The following MYO16 variants were observed in gnomAD, a reference collection of about 807,000 sequenced individuals.
MYO16 encodes myosin XVI, also known as unconventional myosin-XVI.
In MYO16, 94 loss-of-function variants were observed where a neutral mutation model predicts 205.3. That is an observed-to-expected ratio of 0.46 (90% confidence interval 0.39 to 0.54). The LOEUF (loss-of-function observed/expected upper bound fraction) is 0.54. Among genes scored for constraint, MYO16 ranks in the 20% least tolerant of loss-of-function variants. The pLI is 0.00. For synonymous variants in MYO16, 988 were observed against 954.0 expected (o/e 1.04, Z -0.66); for missense variants, 2,315 against 2,387.5 (o/e 0.97, Z 0.63).
At chr13:109,065,576 C>T in intron 27 of MYO16, 1 of 476,878 alleles carries the variant, frequency 2.1e-6, no homozygotes, top group South Asian at 1.6e-5. Flanking sequence ...TGAAAAGTCC[C>T]TACAGGAGAT....
intron 16 of MYO16, among the ~76,000 whole-genome samples, chr13:108,956,735 T>C (rs915731172): frequency 3.3e-5 from 5 of 152,180 alleles, no homozygotes; most frequent in African/African-American, 1.2e-4. Context: ...AATCACAGCC[T>C]GCCTTTCGCC....
At chr13:108,802,443 A>G (rs888063624) in intron 6 of MYO16, among the ~76,000 whole-genome samples, 15 of 152,164 alleles carry the variant, frequency 9.9e-5, no homozygotes, top group Non-Finnish European at 1.3e-4. Flanking sequence ...AAGGGTGACT[A>G]GTATTCCATT....
At chr13:108,873,299 T>C (rs1174961018) in intron 12 of MYO16, among the ~76,000 whole-genome samples, 1 of 152,262 alleles carries the variant, frequency 6.6e-6, no homozygotes. Context: ...CCATTTCATA[T>C]TTAAAAAGAA....
chr13:109,156,855 C>A (rs1326541456), intron 32 of MYO16, among the ~76,000 whole-genome samples: 1 of 152,200 alleles, frequency 6.6e-6, no homozygotes, highest in Non-Finnish European at 1.5e-5. Context: ...TCCTCACACT[C>A]GAGAGTGTCT....
At chr13:108,872,720 A>C (rs7990534) in intron 12 of MYO16, among the ~76,000 whole-genome samples, 50,197 of 151,388 alleles carry the variant, frequency 0.33, 8,757 homozygotes, top group Non-Finnish European at 0.36. Context: ...GCATATGTAT[A>C]TATACACACA....
chr13:108,536,034 T>TGC, the MYO16 span, among the ~76,000 whole-genome samples: 49,119 of 151,700 alleles, frequency 0.32, 9,357 homozygotes, highest in Non-Finnish European at 0.43. Flanking sequence ...CATGTGTGTG[T>TGC]GCATGTGTGT....
intron 16 of MYO16, among the ~76,000 whole-genome samples, chr13:108,920,806 T>C (rs1047567202): frequency 6.6e-6 from 1 of 152,256 alleles, no homozygotes; most frequent in African/African-American, 2.4e-5. Context: ...AAATAAGAGA[T>C]ATTTATTTTC....
At chr13:109,049,312 T>C (rs1887159236) in intron 24 of MYO16, among the ~76,000 whole-genome samples, 1 of 152,144 alleles carries the variant, frequency 6.6e-6, no homozygotes, top group South Asian at 2.1e-4. Flanking sequence ...TGCTCGGTTT[T>C]AAGAGGCAAA....
At chr13:109,172,608 G>A (rs977223607) in intron 33 of MYO16, among the ~76,000 whole-genome samples, 2 of 152,104 alleles carry the variant, frequency 1.3e-5, no homozygotes, top group Non-Finnish European at 2.9e-5. Flanking sequence ...CCCCGACCAT[G>A]GGCAAGTTAC....
chr13:108,690,381 TC>T (rs1882847888), intron 2 of MYO16, among the ~76,000 whole-genome samples: 1 of 42,984 alleles, frequency 2.3e-5, no homozygotes, highest in Non-Finnish European at 4.1e-5. Context: ...ATGGGAAGTC[TC>T]CTTGGTCTTG....
At chr13:108,584,113 C>T in the MYO16 span, among the ~76,000 whole-genome samples, 12 of 152,060 alleles carry the variant, frequency 7.9e-5, no homozygotes, top group African/African-American at 2.7e-4. Flanking sequence ...ACCACCACGC[C>T]CAGCTAATTT....
intron 11 of MYO16, among the ~76,000 whole-genome samples, chr13:108,863,201 C>T (rs66929180): frequency 0.1 from 15,768 of 151,834 alleles, 951 homozygotes; most frequent in South Asian, 0.24. Context: ...TTTTTTCTTG[C>T]ATTACTTCAT....
At chr13:108,706,551 C>T (rs937256894) in intron 2 of MYO16, among the ~76,000 whole-genome samples, 15 of 152,238 alleles carry the variant, frequency 9.9e-5, no homozygotes, top group East Asian at 3.9e-4. Context: ...TTTTGTCCTC[C>T]GTCTTCTCCA....
At position 109,019,848 on chromosome 13, in the gene MYO16, G is replaced by A. The variant is rs1357705452; in HGVS notation, c.2733G>A (p.Gly911=). ...TNAVYSPMKD[G]NGNVALKDHG... is the part of the protein sequence containing the mutation. ...CGGTGTACTCCCCCATGAAGGATGGGAATGGGAATGTTGCCCTCAAAGACC... is the reference window on the plus strand; with the variant it reads ...CGGTGTACTCCCCCATGAAGGATGGAAATGGGAATGTTGCCCTCAAAGACC... Residue 911 remains glycine, a synonymous_variant, in exon 23 of 35, where the codon GGG becomes GGA. Transcript: ENST00000457511. The A allele has an allele frequency of 6.2e-7, 1 of 1,614,128 alleles. No homozygotes were observed. The highest frequency in any genetic ancestry group is 1.1e-5 in the South Asian group (1 of 91,080).
At chr13:108,602,003 G>A (rs144100188) in intron 1 of MYO16, among the ~76,000 whole-genome samples, 65 of 151,260 alleles carry the variant, frequency 4.3e-4, no homozygotes, top group Middle Eastern at 3.4e-3. Context: ...GGGTGGTGAG[G>A]AAGTCATAAT....
chr13:109,147,969 T>G (rs971360098), intron 32 of MYO16, among the ~76,000 whole-genome samples: 1 of 152,180 alleles, frequency 6.6e-6, no homozygotes, highest in African/African-American at 2.4e-5. Context: ...TCCTTTGCCA[T>G]GTTAATAGAC....
At chr13:108,669,811 A>T (rs914894883) in intron 2 of MYO16, among the ~76,000 whole-genome samples, 7 of 152,212 alleles carry the variant, frequency 4.6e-5, no homozygotes, top group Non-Finnish European at 7.3e-5. Flanking sequence ...TTCTCAGCAA[A>T]CTAACACAGG....
chr13:108,745,098 C>A (rs1885019430), intron 4 of MYO16, among the ~76,000 whole-genome samples: 1 of 152,180 alleles, frequency 6.6e-6, no homozygotes, highest in African/African-American at 2.4e-5. Flanking sequence ...CAAATCTGAA[C>A]TGATTGAAAA....
chr13:108,927,718 G>A (rs1368838400), intron 16 of MYO16, among the ~76,000 whole-genome samples: 1 of 152,248 alleles, frequency 6.6e-6, no homozygotes, highest in Non-Finnish European at 1.5e-5. Flanking sequence ...CCTTGCGCAT[G>A]CCCTGGAGGT....
Sources: gnomAD v4.1 joint callset for allele counts (sites outside exome capture counted in the v4.1 genomes callset) on GRCh38, gnomAD v4.1.1 for gene constraint, MANE v1.5 for transcripts, NCBI Gene and HGNC (gene_info 2026-07-23, HGNC 2026-07-21) for gene names.